Variants in RNF213 observed in about 807,000 individuals in gnomAD.
RNF213 encodes the protein E3 ubiquitin-protein ligase RNF213.
A neutral mutation model predicts 514.4 loss-of-function variants in RNF213; 341 were observed. That is an observed-to-expected ratio of 0.66 (90% CI 0.61 to 0.73). The LOEUF is 0.73. Ranked by LOEUF, RNF213 falls within the 30% of genes least tolerant of loss-of-function variation. The pLI, the probability that RNF213 is intolerant of heterozygous loss-of-function variation, is 0.00. For synonymous variants in RNF213, 2,655 were observed against 2,658.2 expected (o/e 1.00, Z 0.04); for missense variants, 5,767 against 6,615.6 (o/e 0.87, Z 4.45).
At chr17:80,350,488 C>A in intron 31 of RNF213, 92 bp downstream of exon 31, 1 of 765,552 alleles carries the variant, frequency 1.3e-6, no homozygotes, top group South Asian at 1.4e-5. Context: ...AGTATAGTAT[C>A]ATAATCAGTA....
At chr17:80,367,407 T>C (rs1036886328) in intron 42 of RNF213, among the ~76,000 whole-genome samples, 3 of 152,344 alleles carry the variant, frequency 2.0e-5, no homozygotes, top group African/African-American at 7.2e-5. Context: ...AAAGCAAATA[T>C]TCCATAAATG....
At chr17:80,278,707 G>T in intron 3 of RNF213, 1 of 1,527,762 alleles carries the variant, frequency 6.5e-7, no homozygotes, top group South Asian at 1.2e-5. Flanking sequence ...GAGTCTACTG[G>T]AGCTGTGCGT....
At chr17:80,338,542 G>A (rs2078053516) in intron 25 of RNF213, among the ~76,000 whole-genome samples, 1 of 151,922 alleles carries the variant, frequency 6.6e-6, no homozygotes, top group African/African-American at 2.4e-5. Flanking sequence ...CCAGCACTTT[G>A]GGAGCCCAAG....
chr17:80,359,136 G>A lies in RNF213; in HGVS notation c.11054+657G>A, dbSNP rs773567458. Among the ~76,000 whole-genome samples, 6 of 151,884 alleles carry A rather than the reference G, an allele frequency of 4.0e-5. No homozygotes were observed. In the East Asian group the frequency reaches 5.8e-4, roughly 15 times the overall value. On this transcript the variant is annotated intron_variant, in intron 37 of 67. Coordinates refer to ENST00000582970, the MANE Select transcript of RNF213 (RefSeq NM_001256071.3). Reference sequence around the variant, plus strand: ...AGCGGCACAGCCCCCACCCCCTTCCGCAGGCCTGATGATGTGCGGCTCAGG... The same window carrying A: ...AGCGGCACAGCCCCCACCCCCTTCCACAGGCCTGATGATGTGCGGCTCAGG...
chr17:80,305,542 G>A lies in RNF213; in HGVS notation c.2211-710G>A, dbSNP rs117893374. Among the ~76,000 whole-genome samples, 126 of 151,856 alleles carry A rather than the reference G, an allele frequency of 8.3e-4. 2 individuals are homozygous for A. The East Asian group carries it at 0.023, about 27-fold the overall frequency. On this transcript the variant is annotated intron_variant, in intron 11 of 67. Transcript: ENST00000582970. The stretch of plus-strand genomic sequence containing the variant: ...GAACAGGGCTACCCCATAGGAGCAT[G>A]CCCAGAATGGCCAGCAGTGAATTCT...
chr17:80,379,378 G>T (rs1599185736), intron 54 of RNF213: 2 of 538,290 alleles, frequency 3.7e-6, no homozygotes, highest in Admixed American at 2.9e-5. Context: ...GTGTCACTCT[G>T]GGAATAAAGC....
chr17:80,385,905 A>G (rs1004290398), intron 61 of RNF213, among the ~76,000 whole-genome samples: 1 of 152,156 alleles, frequency 6.6e-6, no homozygotes, highest in African/African-American at 2.4e-5. Flanking sequence ...AGCTCAGGCA[A>G]TCCACCCGCC....
chr17:80,360,815 T>A (rs543726928), intron 38 of RNF213, among the ~76,000 whole-genome samples: 1 of 152,374 alleles, frequency 6.6e-6, no homozygotes, highest in Admixed American at 6.5e-5. Flanking sequence ...TTTCCACGTT[T>A]ACTTATCGTA....
intron 42 of RNF213, 41 bp from the exon 43 acceptor site, chr17:80,367,707 C>G: frequency 1.9e-6 from 3 of 1,558,926 alleles, no homozygotes; most frequent in Non-Finnish European, 2.7e-6. Context: ...CGCCCTCAGC[C>G]CTCCCCCCTG....
rs1327413993 is a variant in RNF213, at chr17:80,326,864, T to C, written c.3194-952T>C. 3.3e-5 allele frequency among the ~76,000 whole-genome samples: 5 copies of C among 152,230 alleles called. No individual in the cohort carries two copies. The East Asian group carries it at 9.6e-4, about 29-fold the overall frequency. On this transcript the variant is annotated intron_variant, in intron 18 of 67. Transcript: ENST00000582970. Reference sequence around the variant, plus strand: ...ATGATTAGTAAAGCTACTATGTTTGTTTCTTATGGTGCAGATAAGCTTCAT... The same window carrying C: ...ATGATTAGTAAAGCTACTATGTTTGCTTCTTATGGTGCAGATAAGCTTCAT...
chr17:80,306,376 G>C lies in RNF213; in HGVS notation c.2335G>C (p.Glu779Gln). 6.2e-7 allele frequency: 1 copy of C among 1,614,168 alleles called. No homozygotes were observed. Among genetic ancestry groups the C allele is most frequent in the Non-Finnish European group, 8.5e-7 (1 of 1,180,038 alleles). ...GGTTATGTATATGGAAAACTTCATT[G>C]AGCACCTGGGTCGTTTTCCTGCTCA... is the stretch of plus-strand genomic sequence containing the variant. Reference protein sequence around the residue: ...HLVMYMENFIEHLGRFPAHIL... With the variant: ...HLVMYMENFIQHLGRFPAHIL... The change falls in exon 12 of 68, where the codon GAG (glutamate) becomes CAG (glutamine). Residue 779 changes from glutamate (E) to glutamine (Q), a missense_variant. Physicochemically the swap from Glu to Gln is conservative, Grantham distance 29. Around this residue, in one of 13 missense-constraint regions of RNF213, gnomAD observed 592 missense variants for 673.9 expected, o/e 0.88. Transcript: ENST00000582970.
chr17:80,348,427 G>GT (rs1415667962), intron 29 of RNF213, 141 bp downstream of exon 29: 3 of 1,219,896 alleles, frequency 2.5e-6, no homozygotes, highest in Middle Eastern at 2.7e-4. Flanking sequence ...CTCCTCCGCG[G>GT]TAAGTGTGGG....
chr17:80,276,567 A>G (rs1895962282), intron 3 of RNF213, among the ~76,000 whole-genome samples: 1 of 152,102 alleles, frequency 6.6e-6, no homozygotes, highest in Non-Finnish European at 1.5e-5. Context: ...AAAAGAGGCC[A>G]GGCGCGGTGG....
chr17:80,335,999 A>G (rs572599160), intron 22 of RNF213, among the ~76,000 whole-genome samples, 162 bp from the exon 23 acceptor site: 35 of 152,112 alleles, frequency 2.3e-4, no homozygotes, highest in African/African-American at 7.7e-4. Flanking sequence ...AAAAACTACA[A>G]AAGATTAGGT....
chr17:80,289,670 C>G lies in RNF213; in HGVS notation c.945C>G (p.Thr315=). The G allele has an allele frequency of 1.9e-6, 3 of 1,613,572 alleles. No homozygotes were observed. The highest frequency in any genetic ancestry group is 2.5e-6 in the Non-Finnish European group (3 of 1,179,964). The stretch of plus-strand genomic sequence containing the variant: ...GTTCCTTGTTCCAGGAAGCTGAGAC[C>G]AAGACCAAGGACGAGATGGCTGCTG... The part of the protein sequence containing the change: ...PFKTHCQEAE[T]KTKDEMAAAE... The change falls in exon 6 of 68, where the codon ACC becomes ACG. Residue 315 remains threonine (T), a synonymous_variant. Coordinates refer to ENST00000582970, the MANE Select transcript of RNF213 (RefSeq NM_001256071.3).
At position 80,385,527 on chromosome 17, in the gene RNF213, CT is replaced by C; in HGVS notation, c.14456-10del. On this transcript the variant is annotated splice_polypyrimidine_tract_variant and intron_variant, in intron 60 of 67. Coordinates refer to ENST00000582970, the MANE Select transcript of RNF213 (RefSeq NM_001256071.3). Reference sequence around the variant, plus strand: ...TATCATACGGTTCTTACCAAGTATTCTGTTCAACAGATGGGTTGAGGCAGCT... The same window carrying C: ...TATCATACGGTTCTTACCAAGTATTCGTTCAACAGATGGGTTGAGGCAGCT... 3 of 1,613,374 alleles carry C rather than the reference CT, an allele frequency of 1.9e-6. No homozygotes were observed. The highest frequency in any genetic ancestry group is 2.5e-6 in the Non-Finnish European group (3 of 1,179,310).
chr17:80,290,813 G>GTTT, intron 7 of RNF213, 85 bp downstream of exon 7: 52 of 1,290,018 alleles, frequency 4.0e-5, no homozygotes, highest in Non-Finnish European at 4.4e-5. Flanking sequence ...AAAAAATTTT[G>GTTT]TTTTTTTTTT....
chr17:80,381,452 A>C lies in RNF213; in HGVS notation c.13798-95A>C, dbSNP rs1444582816. 6.8e-6 allele frequency: 9 copies of C among 1,317,572 alleles called. No homozygotes were observed. The East Asian group carries it at 1.8e-4, about 27-fold the overall frequency. 81.6% of individuals were successfully genotyped at this position (1,317,572 alleles called of 1,614,324 possible). On this transcript the variant is annotated intron_variant, in intron 56 of 67. Coordinates refer to ENST00000582970, the MANE Select transcript of RNF213 (RefSeq NM_001256071.3). The stretch of plus-strand genomic sequence containing the variant: ...ATCTTAGAAACCGCCTTCCGACTCT[A>C]TGCTGGTGCTCCACTCCCAATGGCC...
intron 14 of RNF213, among the ~76,000 whole-genome samples, chr17:80,311,590 A>T (rs1045170996): frequency 6.6e-6 from 1 of 152,128 alleles, no homozygotes; most frequent in Non-Finnish European, 1.5e-5. Flanking sequence ...CATGCTTTGA[A>T]AGCTCCTGCC....
Sources: gnomAD v4.1 joint callset for allele counts (sites outside exome capture counted in the v4.1 genomes callset) on GRCh38, gnomAD v4.1.1 for gene constraint, gnomAD v4.1.1 regional missense constraint, MANE v1.5 for transcripts, NCBI Gene and HGNC (gene_info 2026-07-23, HGNC 2026-07-21) for gene names.